Variants in CLIC4 observed in about 807,000 individuals in gnomAD.
CLIC4 encodes the protein chloride intracellular channel protein 4.
Under a neutral mutation model 24.6 loss-of-function variants are expected in CLIC4, and 13 were observed. The observed-to-expected ratio is 0.53, with a 90% CI of 0.34 to 0.84. CLIC4 has a LOEUF of 0.84. Among genes scored for constraint, CLIC4 ranks in the 40% least tolerant of loss-of-function variants. The pLI is 0.01. For synonymous variants in CLIC4, 104 were observed against 111.3 expected (o/e 0.93, Z 0.41); for missense variants, 227 against 301.7 (o/e 0.75, Z 1.83).
At chr1:24,753,198 C>G (rs1352527300) in intron 1 of CLIC4, among the ~76,000 whole-genome samples, 2 of 152,044 alleles carry the variant, frequency 1.3e-5, no homozygotes, top group East Asian at 1.9e-4. Context: ...GTCAAGAATA[C>G]TTTATATAAG....
In CLIC4 at chr1:24,748,708, A is replaced by G. The variant is rs551279341; in HGVS notation, c.72+3083A>G. On this transcript the variant is annotated intron_variant, in intron 1 of 5. Transcript: ENST00000374379. ...GAGACTGGGTTTTACCATGTTGGCC[A>G]GGCTGGTCTCAAACTCCTGACCTTA... 5.9e-3 allele frequency among the ~76,000 whole-genome samples: 903 copies of G among 151,860 alleles called. 7 individuals are homozygous for G. The highest frequency in any genetic ancestry group is 0.021 in the African/African-American group (860 of 41,400).
intron 3 of CLIC4, among the ~76,000 whole-genome samples, chr1:24,816,839 G>C (rs1639676262): frequency 6.6e-6 from 1 of 152,090 alleles, no homozygotes; most frequent in South Asian, 2.1e-4. Flanking sequence ...CTCAACAGTG[G>C]GCTTAAAATA....
At chr1:24,763,533 C>CAAAAAAA (rs33955013) in intron 1 of CLIC4, among the ~76,000 whole-genome samples, 1 of 78,954 alleles carries the variant, frequency 1.3e-5, no homozygotes, top group Non-Finnish European at 2.2e-5. Flanking sequence ...ACTCCGTCTC[C>CAAAAAAA]AAAAAAAAAA....
chr1:24,825,762 A>AAT (rs1335412862), intron 3 of CLIC4, among the ~76,000 whole-genome samples: 2 of 152,242 alleles, frequency 1.3e-5, no homozygotes, highest in Non-Finnish European at 2.9e-5. Context: ...AAGATACATG[A>AAT]ATATAAAAGC....
At position 24,774,723 on chromosome 1, in the gene CLIC4, C is replaced by G. The variant is rs144556981; in HGVS notation, c.73-23019C>G. On this transcript the variant is annotated intron_variant, in intron 1 of 5. Coordinates refer to ENST00000374379, the MANE Select transcript of CLIC4 (RefSeq NM_013943.3). Reference sequence around the variant, plus strand: ...GGAGGATGGCTTGATCCCTGGAGATCGAGGCTGCAGTGAGAGCTGCGCTTC... The same window carrying G: ...GGAGGATGGCTTGATCCCTGGAGATGGAGGCTGCAGTGAGAGCTGCGCTTC... Among the ~76,000 whole-genome samples the G allele has an allele frequency of 2.4e-3, 371 of 151,854 alleles. 2 individuals are homozygous for G. The highest frequency in any genetic ancestry group is 8.4e-3 in the African/African-American group (346 of 41,380).
At chr1:24,820,474 G>A (rs1571261211) in intron 3 of CLIC4, among the ~76,000 whole-genome samples, 1 of 150,026 alleles carries the variant, frequency 6.7e-6, no homozygotes, top group East Asian at 2.0e-4. Flanking sequence ...ATGTTGCCCA[G>A]GTTGGTCTCA....
chr1:24,758,834 C>T (rs1476145331), intron 1 of CLIC4, among the ~76,000 whole-genome samples: 3 of 151,636 alleles, frequency 2.0e-5, no homozygotes, highest in Non-Finnish European at 2.9e-5. Flanking sequence ...TTTTTGCTTG[C>T]ATGAATTATT....
intron 3 of CLIC4, among the ~76,000 whole-genome samples, chr1:24,818,903 A>G (rs1460113661): frequency 6.6e-6 from 1 of 151,988 alleles, no homozygotes; most frequent in African/African-American, 2.4e-5. Context: ...TCAATAGTAT[A>G]AACATATATG....
intron 3 of CLIC4, among the ~76,000 whole-genome samples, chr1:24,814,779 A>G (rs1029242883): frequency 2.0e-5 from 3 of 152,234 alleles, no homozygotes; most frequent in Non-Finnish European, 4.4e-5. Context: ...TAAATTGCAG[A>G]TATGCAGCTT....
chr1:24,748,937 G>C (rs1421668355), intron 1 of CLIC4, among the ~76,000 whole-genome samples: 1 of 152,282 alleles, frequency 6.6e-6, no homozygotes, highest in East Asian at 1.9e-4. Context: ...TTTGAAAGCA[G>C]TGGACCAGGT....
chr1:24,745,480 C>T lies in CLIC4; in HGVS notation c.-74C>T, dbSNP rs1638674371. 2.8e-6 allele frequency: 4 copies of T among 1,403,510 alleles called. No homozygotes were observed. Among genetic ancestry groups the T allele is most frequent in the Middle Eastern group, 2.5e-4 (1 of 4,080 alleles). 86.9% of individuals were successfully genotyped at this position (1,403,510 alleles called of 1,614,324 possible). ...GAGCAGCACGGCGGGAACCGGCAGC[C>T]GGAGCAGTCCCGGAGCAGAAGCAGC... On this transcript the variant is annotated 5_prime_UTR_variant, in exon 1 of 6. Coordinates refer to ENST00000374379, the MANE Select transcript of CLIC4 (RefSeq NM_013943.3).
chr1:24,768,991 TA>T (rs1319156908), intron 1 of CLIC4, among the ~76,000 whole-genome samples: 1 of 151,536 alleles, frequency 6.6e-6, no homozygotes, highest in Non-Finnish European at 1.5e-5. Context: ...TAATGATAAT[TA>T]AAAATAGCGG....
chr1:24,794,745 T>A (rs1348233669), intron 1 of CLIC4, among the ~76,000 whole-genome samples: 1 of 152,236 alleles, frequency 6.6e-6, no homozygotes, highest in African/African-American at 2.4e-5. Context: ...GTTTTTGGCA[T>A]CTTCGTCATG....
At chr1:24,787,033 G>C (rs1037857386) in intron 1 of CLIC4, among the ~76,000 whole-genome samples, 1 of 151,956 alleles carries the variant, frequency 6.6e-6, no homozygotes, top group Non-Finnish European at 1.5e-5. Flanking sequence ...TGATCCTCCT[G>C]CTTCAGCATC....
chr1:24,813,505 GCCTCCCGGGTTCAAGTGAT>G lies in CLIC4; in HGVS notation c.183-583_183-565del, dbSNP rs1639637984. Among the ~76,000 whole-genome samples, 4 of 149,880 alleles carry G rather than the reference GCCTCCCGGGTTCAAGTGAT, an allele frequency of 2.7e-5. No homozygotes were observed. The South Asian group carries it at 8.5e-4, about 32-fold the overall frequency. On this transcript the variant is annotated intron_variant, in intron 2 of 5. Coordinates refer to ENST00000374379, the MANE Select transcript of CLIC4 (RefSeq NM_013943.3). ...ACATTCTCAGCTCACTGCAACCTCCGCCTCCCGGGTTCAAGTGATCCTCCTTCCTCAGCCTCCCAAGTAG... is the reference window on the plus strand; with the variant it reads ...ACATTCTCAGCTCACTGCAACCTCCGCCTCCTTCCTCAGCCTCCCAAGTAG...
At chr1:24,807,787 A>T (rs1639568251) in intron 2 of CLIC4, among the ~76,000 whole-genome samples, 1 of 152,090 alleles carries the variant, frequency 6.6e-6, no homozygotes, top group African/African-American at 2.4e-5. Flanking sequence ...CCGTGTTCTT[A>T]AAAAAAACTG....
At chr1:24,840,685 A>G in intron 5 of CLIC4, 88 bp from the exon 6 acceptor site, 3 of 1,107,964 alleles carry the variant, frequency 2.7e-6, no homozygotes, top group South Asian at 1.7e-5. Context: ...GATTTAGAGC[A>G]TTAATTATTT....
chr1:24,808,521 C>T (rs908563491), intron 2 of CLIC4, among the ~76,000 whole-genome samples: 5 of 151,388 alleles, frequency 3.3e-5, no homozygotes, highest in African/African-American at 7.3e-5. Context: ...CCCGCCCTGC[C>T]GCCCTTTTTT....
At chr1:24,778,245 G>A (rs1281774530) in intron 1 of CLIC4, among the ~76,000 whole-genome samples, 1 of 152,110 alleles carries the variant, frequency 6.6e-6, no homozygotes, top group Non-Finnish European at 1.5e-5. Flanking sequence ...TCAGTTGTAT[G>A]ACCTATGACA....
Sources: allele counts gnomAD v4.1 joint callset (sites outside exome capture counted in the v4.1 genomes callset), GRCh38; gene constraint gnomAD v4.1.1; transcripts MANE v1.5; gene names NCBI Gene and HGNC (gene_info 2026-07-23, HGNC 2026-07-21).